Variants in ZNF236 observed in about 807,000 individuals in gnomAD.
ZNF236 encodes regulated by glucose.
In ZNF236, 50 loss-of-function variants were observed where a neutral mutation model predicts 191.2. The ratio of observed to expected loss-of-function variants is 0.26; its 90% CI spans 0.21 to 0.33. ZNF236 has a LOEUF of 0.33. Ranked by LOEUF, ZNF236 falls within the 10% of genes least tolerant of loss-of-function variation. The pLI, the probability that ZNF236 is intolerant of heterozygous loss-of-function variation, is 1.00. For missense variants in ZNF236, 1,754 were observed against 2,374.5 expected (o/e 0.74, Z 5.43); for synonymous variants, 907 against 928.8 (o/e 0.98, Z 0.43).
intron 30 of ZNF236, among the ~76,000 whole-genome samples, chr18:76,963,767 A>T (rs899150061): frequency 5.3e-5 from 8 of 152,154 alleles, no homozygotes; most frequent in Non-Finnish European, 5.9e-5. Flanking sequence ...TATTGGTCTG[A>T]TCAGGGTATC....
At chr18:76,869,845 A>G (rs1014783210) in intron 4 of ZNF236, among the ~76,000 whole-genome samples, 1 of 152,194 alleles carries the variant, frequency 6.6e-6, no homozygotes, top group African/African-American at 2.4e-5. Context: ...AGTCCCAGGT[A>G]CTCGGGAGGC....
In ZNF236 at chr18:76,937,639, A is replaced by G. The variant is rs766964467; in HGVS notation, c.4782+296A>G. ...TCCTTCTACACCTTTATATGAATGT[A>G]TAAGGTACATAGTTATAAATTTCTG... is the stretch of plus-strand genomic sequence containing the variant. On this transcript the variant is annotated intron_variant, in intron 26 of 30. Transcript: ENST00000320610. 2.9e-4 allele frequency among the ~76,000 whole-genome samples: 44 copies of G among 152,326 alleles called. 1 individual carries two copies. The highest frequency in any genetic ancestry group is 6.8e-3 in the Middle Eastern group (2 of 294).
At chr18:76,841,816 C>A (rs888030096) in intron 1 of ZNF236, among the ~76,000 whole-genome samples, 1 of 151,916 alleles carries the variant, frequency 6.6e-6, no homozygotes, top group Non-Finnish European at 1.5e-5. Flanking sequence ...GCCTCAGCCT[C>A]CTGAGTAGCT....
intron 3 of ZNF236, among the ~76,000 whole-genome samples, chr18:76,854,648 TTTAACA>T (rs1336944895): frequency 6.6e-6 from 1 of 152,164 alleles, no homozygotes; most frequent in African/African-American, 2.4e-5. Flanking sequence ...TTCATCATTG[TTTAACA>T]TTTACATTGT....
intron 27 of ZNF236, among the ~76,000 whole-genome samples, chr18:76,948,541 G>A (rs1968325113): frequency 6.6e-6 from 1 of 152,162 alleles, no homozygotes; most frequent in African/African-American, 2.4e-5. Context: ...TATACTTGTG[G>A]TTACAATGGA....
rs1200767637 is a variant in ZNF236 at position 76,971,155 on chromosome 18, C to A, written c.*2816C>A. Reference sequence around the variant, plus strand: ...AGGTGGGGTGCAGGTACTGAGGAAGCAGGAGGCATGTAGCATGTGTGGAGT... The same window carrying A: ...AGGTGGGGTGCAGGTACTGAGGAAGAAGGAGGCATGTAGCATGTGTGGAGT... On this transcript the variant is annotated 3_prime_UTR_variant, in exon 31 of 31. Coordinates refer to ENST00000320610, the MANE Select transcript of ZNF236 (RefSeq NM_001306089.2). Among the ~76,000 whole-genome samples the A allele has an allele frequency of 1.3e-5, 2 of 152,250 alleles. No homozygotes were observed. The highest frequency in any genetic ancestry group is 2.9e-5 in the Non-Finnish European group (2 of 68,050).
intron 30 of ZNF236, among the ~76,000 whole-genome samples, chr18:76,961,401 GTGTGTA>G (rs757159442): frequency 2.0e-4 from 24 of 119,752 alleles, no homozygotes; most frequent in Non-Finnish European, 3.3e-4. Context: ...GTGTGTGTGT[GTGTGTA>G]TTTATGTATA....
intron 11 of ZNF236, among the ~76,000 whole-genome samples, chr18:76,899,629 T>C (rs1407986850): frequency 6.6e-6 from 1 of 152,238 alleles, no homozygotes; most frequent in Non-Finnish European, 1.5e-5. Flanking sequence ...GCTACTTTAA[T>C]CTTTGGATTA....
intron 30 of ZNF236, among the ~76,000 whole-genome samples, chr18:76,963,988 A>T (rs573573253): frequency 3.9e-5 from 6 of 152,228 alleles, no homozygotes; most frequent in Non-Finnish European, 8.8e-5. Flanking sequence ...CTAGTAGTCT[A>T]TCAATTTTAT....
Position 76,875,783 on chromosome 18 carries a change from C to G in ZNF236, c.840+119C>G. On this transcript the variant is annotated intron_variant, in intron 6 of 30. Coordinates refer to ENST00000320610, the MANE Select transcript of ZNF236 (RefSeq NM_001306089.2). The surrounding 1 kb of genome is among the most constrained non-coding windows in gnomAD (Gnocchi z 4.3). ...AAAAAAATGCAGATTGATTTTGTGC[C>G]GAGCAGACCCTGTTTTAAAAAATAC... 1.8e-6 allele frequency: 2 copies of G among 1,108,936 alleles called. No homozygotes were observed. The highest frequency in any genetic ancestry group is 2.3e-6 in the Non-Finnish European group (2 of 852,800). The allele number at this position is 1,108,936 out of a possible 1,614,324, so 68.7% of individuals were successfully genotyped here.
chr18:76,854,966 C>T (rs1196632402), intron 3 of ZNF236, among the ~76,000 whole-genome samples: 1 of 152,068 alleles, frequency 6.6e-6, no homozygotes, highest in African/African-American at 2.4e-5. Context: ...TGTTCTGTCC[C>T]CCAGGTTGTA....
chr18:76,864,662 A>G (rs1207233918), intron 3 of ZNF236, among the ~76,000 whole-genome samples: 1 of 150,700 alleles, frequency 6.6e-6, no homozygotes, highest in Non-Finnish European at 1.5e-5. Context: ...TGGTCGAAGC[A>G]GAAATTATCA....
chr18:76,849,424 C>T, intron 1 of ZNF236, 102 bp from the exon 2 acceptor site: 1 of 907,780 alleles, frequency 1.1e-6, no homozygotes, highest in Non-Finnish European at 1.6e-6. Context: ...ACATAAATCT[C>T]TGACATAATT....
Position 76,925,518 on chromosome 18 carries a change from C to T in ZNF236, c.3991C>T (p.Leu1331=). The part of the protein sequence containing the change: ...QFDQNLLQPG[L]VGQAILPASV... Reference sequence around the variant, plus strand: ...TGATCAGAATCTGCTGCAACCAGGACTGGTGGGCCAAGCTATTCTCCCTGC... The same window carrying T: ...TGATCAGAATCTGCTGCAACCAGGATTGGTGGGCCAAGCTATTCTCCCTGC... The change falls in exon 22 of 31, where the codon CTG becomes TTG. Residue 1331 remains leucine, a synonymous_variant. Coordinates refer to ENST00000320610, the MANE Select transcript of ZNF236 (RefSeq NM_001306089.2). This position sits in a 1 kb window ranked among gnomAD's most constrained non-coding sequence, Gnocchi z 5.7. 6.2e-7 allele frequency: 1 copy of T among 1,613,912 alleles called. No individual in the cohort carries two copies. The highest frequency in any genetic ancestry group is 8.5e-7 in the Non-Finnish European group (1 of 1,180,030).
chr18:76,965,968 C>G (rs1968764278), intron 30 of ZNF236, among the ~76,000 whole-genome samples: 1 of 152,160 alleles, frequency 6.6e-6, no homozygotes, highest in Admixed American at 6.5e-5. Context: ...TGCCCTTTGT[C>G]TTCCGCTTCC....
chr18:76,895,380 G>A, intron 10 of ZNF236, 95 bp downstream of exon 10: 2 of 1,495,174 alleles, frequency 1.3e-6, no homozygotes, highest in Non-Finnish European at 1.8e-6. Flanking sequence ...GCACACAGTA[G>A]GCACACAGGT....
intron 28 of ZNF236, among the ~76,000 whole-genome samples, chr18:76,957,991 C>G (rs184696999): frequency 1.3e-5 from 2 of 152,336 alleles, no homozygotes; most frequent in East Asian, 3.9e-4. Context: ...AGGATTCTTT[C>G]TTTTGAAACC....
intron 1 of ZNF236, among the ~76,000 whole-genome samples, chr18:76,827,857 T>A (rs1182180480): frequency 2.6e-5 from 4 of 152,204 alleles, no homozygotes; most frequent in African/African-American, 4.8e-5. Flanking sequence ...AGCAATAATG[T>A]GACCTTGAGG....
At chr18:76,854,038 A>G (rs1378013694) in intron 3 of ZNF236, among the ~76,000 whole-genome samples, 1 of 151,948 alleles carries the variant, frequency 6.6e-6, no homozygotes, top group Non-Finnish European at 1.5e-5. Context: ...AGAAAAGAAA[A>G]AGAAAATTGC....
Sources: gnomAD v4.1 joint callset for allele counts (sites outside exome capture counted in the v4.1 genomes callset) on GRCh38, gnomAD v4.1.1 for gene constraint, Gnocchi (gnomAD v3.1) non-coding constraint, MANE v1.5 for transcripts, NCBI Gene and HGNC (gene_info 2026-07-23, HGNC 2026-07-21) for gene names.